RXRA: variants seen among roughly 807,000 people sequenced by gnomAD.
RXRA encodes the protein retinoic acid receptor RXR-alpha.
A neutral mutation model predicts 44.5 loss-of-function variants in RXRA; 5 were observed. That is an observed-to-expected ratio of 0.11 (90% confidence interval 0.06 to 0.24). The LOEUF is 0.24. RXRA is among the 10% of genes least tolerant of loss of function. RXRA has a pLI of 1.00. For missense variants in RXRA, 412 were observed against 646.5 expected (o/e 0.64, Z 3.93); for synonymous variants, 291 against 271.4 (o/e 1.07, Z -0.71).
chr9:134,394,854 C>T (rs1451784218), intron 1 of RXRA, among the ~76,000 whole-genome samples: 1 of 152,186 alleles, frequency 6.6e-6, no homozygotes, highest in African/African-American at 2.4e-5. Flanking sequence ...TGTCAGGGGG[C>T]CCCATGGAGC....
chr9:134,403,478 C>T lies in RXRA; in HGVS notation c.279+1596C>T, dbSNP rs34562127. The T allele has an allele frequency of 5.0e-3, 764 of 152,468 alleles. 8 individuals are homozygous for T. The highest frequency in any genetic ancestry group is 0.017 in the African/African-American group (721 of 41,598). 9.4% of individuals were successfully genotyped at this position (152,468 alleles called of 1,614,324 possible). A position where few individuals can be genotyped will look rare whatever the true frequency, so the allele number is the denominator to read the frequency against. ...AGGGCGATGAAGACTCGGCTTCCGC[C>T]TGTCCCTTGGCTGACTGGCTGGCAC... On this transcript the variant is annotated intron_variant, in intron 2 of 9. Coordinates refer to ENST00000481739, the MANE Select transcript of RXRA (RefSeq NM_002957.6).
At chr9:134,414,895 TC>T (rs1444808600) in intron 4 of RXRA, among the ~76,000 whole-genome samples, 3 of 152,134 alleles carry the variant, frequency 2.0e-5, no homozygotes, top group Admixed American at 6.5e-5. Context: ...GAGGGTCGTG[TC>T]AGTAGTGACC....
chr9:134,356,036 C>T (rs1039416714), intron 1 of RXRA, among the ~76,000 whole-genome samples: 7 of 152,156 alleles, frequency 4.6e-5, no homozygotes, highest in Admixed American at 1.3e-4. Flanking sequence ...GGTGCTTCCA[C>T]GACGCCCTCA....
chr9:134,381,146 G>T (rs962125589), intron 1 of RXRA, among the ~76,000 whole-genome samples: 11 of 152,214 alleles, frequency 7.2e-5, no homozygotes, highest in African/African-American at 2.4e-4. Context: ...ACAGACATGG[G>T]CTGGGAGGGT....
intron 1 of RXRA, among the ~76,000 whole-genome samples, chr9:134,387,100 G>A (rs1042524816): frequency 6.6e-6 from 1 of 152,240 alleles, no homozygotes; most frequent in Non-Finnish European, 1.5e-5. Context: ...GGTGAGAGGG[G>A]AGACATAGGG....
chr9:134,414,285 C>A (rs1831197854), intron 4 of RXRA, among the ~76,000 whole-genome samples: 2 of 152,274 alleles, frequency 1.3e-5, no homozygotes, highest in African/African-American at 4.8e-5. Context: ...AGCAAGGCCC[C>A]TCGCTCAGGG....
In RXRA at chr9:134,407,536, G is replaced by A. The variant is rs1023609753; in HGVS notation, c.280-613G>A. The stretch of plus-strand genomic sequence containing the variant: ...CCCGGGCGGCAGCGTGCGGGCCGGC[G>A]GGTGGGGCGGAGGGGTGTGCAGAGA... On this transcript the variant is annotated intron_variant, in intron 2 of 9. Coordinates refer to ENST00000481739, the MANE Select transcript of RXRA (RefSeq NM_002957.6). The surrounding 1 kb of genome is among the most constrained non-coding windows in gnomAD (Gnocchi z 4.8). Among the ~76,000 whole-genome samples, 36 of 152,328 alleles carry A rather than the reference G, an allele frequency of 2.4e-4. No individual in the cohort carries two copies. In the East Asian group the frequency reaches 4.4e-3, roughly 19 times the overall value.
intron 6 of RXRA, among the ~76,000 whole-genome samples, chr9:134,428,734 C>G (rs1831478741): frequency 6.6e-6 from 1 of 152,226 alleles, no homozygotes; most frequent in Admixed American, 6.5e-5. Flanking sequence ...GTCCTGGGAC[C>G]CTGCTGGCAG....
chr9:134,333,021 C>G (rs575184754), intron 1 of RXRA, among the ~76,000 whole-genome samples: 57 of 152,254 alleles, frequency 3.7e-4, no homozygotes, highest in South Asian at 1.4e-3. Context: ...TGGCTCCGGC[C>G]CCCCCTGCAC....
intron 1 of RXRA, among the ~76,000 whole-genome samples, chr9:134,339,093 G>GCC (rs1554747733): frequency 6.1e-5 from 9 of 147,122 alleles, no homozygotes; most frequent in Non-Finnish European, 1.0e-4. Flanking sequence ...GTCGGGGCAG[G>GCC]GCTGGTGGTC....
chr9:134,399,342 T>C (rs1356041394), intron 1 of RXRA, among the ~76,000 whole-genome samples: 2 of 152,252 alleles, frequency 1.3e-5, no homozygotes, highest in African/African-American at 4.8e-5. Context: ...AGTTTCCCTG[T>C]CTGTCACAGG....
intron 9 of RXRA, among the ~76,000 whole-genome samples, chr9:134,436,017 T>A (rs1831614011): frequency 6.6e-6 from 1 of 152,180 alleles, no homozygotes; most frequent in Non-Finnish European, 1.5e-5. Context: ...TGTTTTTCTC[T>A]TTTTCTTTTG....
chr9:134,417,231 G>C lies in RXRA; in HGVS notation c.684G>C (p.Glu228Asp), dbSNP rs1831249402. The C allele has an allele frequency of 1.2e-6, 2 of 1,613,754 alleles. No homozygotes were observed. The highest frequency in any genetic ancestry group is 2.2e-5 in the South Asian group (2 of 91,094). ...NEVESTSSAN[E>D]DMPVERILEA... is the part of the protein sequence containing the mutation. ...TGGAGTCGACCAGCAGCGCCAACGA[G>C]GACATGCCGGTGGAGAGGATCCTGG... is the stretch of plus-strand genomic sequence containing the variant. Residue 228 changes from glutamate (E) to aspartate (D), a missense_variant, in exon 5 of 10, where the codon GAG becomes GAC. Physicochemically the swap from Glu to Asp is conservative, Grantham distance 45. Around this residue, in one of 4 missense-constraint regions of RXRA, gnomAD observed 67 missense variants for 78.7 expected, o/e 0.85. Coordinates refer to ENST00000481739, the MANE Select transcript of RXRA (RefSeq NM_002957.6). This position sits in a 1 kb window ranked among gnomAD's most constrained non-coding sequence, Gnocchi z 6.1.
intron 1 of RXRA, among the ~76,000 whole-genome samples, chr9:134,335,140 A>G (rs1330755831): frequency 6.6e-6 from 1 of 152,130 alleles, no homozygotes; most frequent in Non-Finnish European, 1.5e-5. Flanking sequence ...GTGGCTCTGT[A>G]GCCTCTCCCA....
rs780170980 is a variant in RXRA at position 134,429,131 on chromosome 9, T to G, written c.934T>G (p.Ser312Ala). 3.7e-6 allele frequency: 6 copies of G among 1,613,040 alleles called. No individual in the cohort carries two copies. The Middle Eastern group carries it at 5.0e-4, about 133-fold the overall frequency. The change falls in exon 7 of 10, where the codon TCC becomes GCC. Residue 312 changes from serine (S) to alanine (A), a missense_variant. By Grantham distance (99) the Ser-to-Ala change is moderately conservative. Around this residue, in one of 4 missense-constraint regions of RXRA, gnomAD observed 141 missense variants for 270.8 expected, o/e 0.52. Coordinates refer to ENST00000481739, the MANE Select transcript of RXRA (RefSeq NM_002957.6). ...AGGCTGGAATGAGCTGCTCATCGCC[T>G]CCTTCTCCCACCGCTCCATCGCCGT... ...RAGWNELLIA[S>A]FSHRSIAVKD... is the part of the protein sequence containing the mutation.
At position 134,342,587 on chromosome 9, in the gene RXRA, G is replaced by T. The variant is rs1179685173; in HGVS notation, c.28+15928G>T. On this transcript the variant is annotated intron_variant, in intron 1 of 9. Transcript: ENST00000481739. The surrounding 1 kb of genome is among the most constrained non-coding windows in gnomAD (Gnocchi z 4.4). ...GCAGAGTGGTAACAGCAAGCTGTGG[G>T]CAAGGGACTGCTTGGGAGCTGCTGT... Among the ~76,000 whole-genome samples, 1 of 152,190 alleles carries T rather than the reference G, an allele frequency of 6.6e-6. No homozygotes were observed. Among genetic ancestry groups the T allele is most frequent in the African/African-American group, 2.4e-5 (1 of 41,440 alleles).
At chr9:134,419,314 G>T (rs1010197774) in intron 5 of RXRA, among the ~76,000 whole-genome samples, 6 of 152,170 alleles carry the variant, frequency 3.9e-5, no homozygotes, top group Non-Finnish European at 7.3e-5. Flanking sequence ...GACATTATTT[G>T]GGGGGGAATC....
chr9:134,410,198 T>C (rs1470834950), intron 4 of RXRA, among the ~76,000 whole-genome samples: 1 of 152,188 alleles, frequency 6.6e-6, no homozygotes, highest in Non-Finnish European at 1.5e-5. Context: ...GAGTGTGGTG[T>C]ATGGGCTGGT....
chr9:134,383,803 C>A (rs1830680608), intron 1 of RXRA, among the ~76,000 whole-genome samples: 1 of 152,144 alleles, frequency 6.6e-6, no homozygotes, highest in Non-Finnish European at 1.5e-5. Flanking sequence ...CGTCCCATGC[C>A]CTTGTCCATA....
Sources: gnomAD v4.1 joint callset for allele counts (sites outside exome capture counted in the v4.1 genomes callset) on GRCh38, gnomAD v4.1.1 for gene constraint, gnomAD v4.1.1 regional missense constraint, Gnocchi (gnomAD v3.1) non-coding constraint, MANE v1.5 for transcripts, NCBI Gene and HGNC (gene_info 2026-07-23, HGNC 2026-07-21) for gene names.